Variants in NCOA7 observed in about 807,000 individuals in gnomAD.
NCOA7 encodes the protein 140 kDa estrogen receptor-associated protein.
NCOA7 carries 45 observed loss-of-function variants against 104.3 expected under a neutral mutation model. The ratio of observed to expected loss-of-function variants is 0.43; its 90% CI spans 0.34 to 0.55. The LOEUF (loss-of-function observed/expected upper bound fraction) is 0.55. Ranked by LOEUF, NCOA7 falls within the 20% of genes least tolerant of loss-of-function variation. NCOA7 has a pLI of 0.02. For synonymous variants in NCOA7, 398 were observed against 402.3 expected (o/e 0.99, Z 0.13); for missense variants, 1,041 against 1,119.7 (o/e 0.93, Z 1.00).
chr6:125,876,302 A>G (rs750357520), intron 4 of NCOA7, among the ~76,000 whole-genome samples: 2 of 152,350 alleles, frequency 1.3e-5, no homozygotes, highest in Admixed American at 6.5e-5. Context: ...ACATCTTTCT[A>G]AAGTGTATAA....
Position 125,815,383 on chromosome 6 carries a change from G to A in NCOA7, c.29G>A (p.Arg10Gln), listed in dbSNP as rs371057703. The change falls in exon 2 of 16, where the codon CGG becomes CAG. Residue 10 changes from arginine (R) to glutamine (Q), a missense_variant. Arg to Gln is a conservative substitution (Grantham distance 43). Transcript: ENST00000392477. ...GATACCAAGGAAGAGAAGAAGGAAC[G>A]GAAACAAAGTTATTTTGCTCGGTAA... MDTKEEKKE[R>Q]KQSYFARLKK... 5.7e-5 allele frequency: 92 copies of A among 1,607,510 alleles called. No individual in the cohort carries two copies. The highest frequency in any genetic ancestry group is 4.9e-4 in the Middle Eastern group (3 of 6,070).
chr6:125,848,273 C>T (rs1780798901), intron 2 of NCOA7, among the ~76,000 whole-genome samples: 1 of 152,074 alleles, frequency 6.6e-6, no homozygotes, highest in Non-Finnish European at 1.5e-5. Flanking sequence ...CTAGAAATAC[C>T]ATTTGACCCA....
intron 2 of NCOA7, among the ~76,000 whole-genome samples, chr6:125,815,677 ATCCCATG>A (rs954008697): frequency 1.3e-5 from 2 of 152,210 alleles, no homozygotes; most frequent in Non-Finnish European, 2.9e-5. Flanking sequence ...ATTGCTCCAA[ATCCCATG>A]TTTAGCAACC....
At chr6:125,781,741 A>G (rs1774235044) in intron 1 of NCOA7, among the ~76,000 whole-genome samples, 2 of 152,238 alleles carry the variant, frequency 1.3e-5, no homozygotes, top group Admixed American at 1.3e-4. Flanking sequence ...ACAAAAGGGT[A>G]TGGTGAAAAC....
At chr6:125,917,294 A>T (rs747106339) in intron 11 of NCOA7, among the ~76,000 whole-genome samples, 1 of 152,112 alleles carries the variant, frequency 6.6e-6, no homozygotes, top group Non-Finnish European at 1.5e-5. Flanking sequence ...TCGTGGCATC[A>T]GGGCTCTTCT....
At chr6:125,838,674 T>A (rs1020473005) in intron 2 of NCOA7, among the ~76,000 whole-genome samples, 1 of 152,106 alleles carries the variant, frequency 6.6e-6, no homozygotes, top group Non-Finnish European at 1.5e-5. Flanking sequence ...CTTCTCAGAG[T>A]TAGCCTCAGA....
At chr6:125,883,009 T>A (rs1170157594) in intron 7 of NCOA7, among the ~76,000 whole-genome samples, 2 of 152,196 alleles carry the variant, frequency 1.3e-5, no homozygotes, top group Non-Finnish European at 2.9e-5. Flanking sequence ...AAGTGATAAT[T>A]TATGTAAAGA....
At chr6:125,813,803 G>A (rs1324094379) in intron 1 of NCOA7, among the ~76,000 whole-genome samples, 1 of 151,874 alleles carries the variant, frequency 6.6e-6, no homozygotes, top group African/African-American at 2.4e-5. Flanking sequence ...ACCTGGGGTG[G>A]GCCTTGCATA....
intron 11 of NCOA7, 145 bp downstream of exon 11, chr6:125,915,625 G>C: frequency 1.0e-6 from 1 of 991,314 alleles, no homozygotes; most frequent in Non-Finnish European, 1.4e-6. Flanking sequence ...TTATTCCTCC[G>C]TTTGAAAAAA....
chr6:125,903,519 T>G (rs1390509042), intron 10 of NCOA7, among the ~76,000 whole-genome samples: 2 of 152,186 alleles, frequency 1.3e-5, no homozygotes, highest in African/African-American at 4.8e-5. Flanking sequence ...CTATGGCAGC[T>G]TCAGCTATTC....
chr6:125,922,643 G>A, intron 12 of NCOA7, 39 bp from the exon 13 acceptor site: 2 of 1,592,980 alleles, frequency 1.3e-6, no homozygotes, highest in African/African-American at 1.3e-5. Flanking sequence ...CAATTTGTGG[G>A]TGAACCTTCT....
chr6:125,928,437 T>C (rs1788231483), intron 15 of NCOA7, among the ~76,000 whole-genome samples, 190 bp downstream of exon 15: 1 of 152,186 alleles, frequency 6.6e-6, no homozygotes. Flanking sequence ...TTTATGTGTC[T>C]AATGAGAGAC....
At chr6:125,792,830 T>TAG (rs1157278916) in intron 1 of NCOA7, among the ~76,000 whole-genome samples, 1 of 152,194 alleles carries the variant, frequency 6.6e-6, no homozygotes, top group Non-Finnish European at 1.5e-5. Flanking sequence ...TTTGCTTTAT[T>TAG]TTTACACTAT....
Position 125,889,754 on chromosome 6 carries a change from C to A in NCOA7, c.1700C>A (p.Ala567Glu). The A allele has an allele frequency of 6.2e-7, 1 of 1,612,192 alleles. No individual in the cohort carries two copies. Among genetic ancestry groups the A allele is most frequent in the Non-Finnish European group, 8.5e-7 (1 of 1,179,232 alleles). The change falls in exon 9 of 16, where the codon GCG becomes GAG. Residue 567 changes from alanine (A) to glutamate (E), a missense_variant. Ala to Glu is a moderately radical substitution (Grantham distance 107, BLOSUM62 -1). Coordinates refer to ENST00000392477, the MANE Select transcript of NCOA7 (RefSeq NM_181782.5). ...ACCCTTAGTAGTTCTCTTTCCCAGG[C>A]GGGTGATCCCATAACTGAGGGCAAT... Reference protein sequence around the residue: ...DITLSSSLSQAGDPITEGNKE... With the variant: ...DITLSSSLSQEGDPITEGNKE...
At position 125,890,619 on chromosome 6, in the gene NCOA7, C is replaced by A. The variant is rs371682048; in HGVS notation, c.1928-23C>A. 13 of 1,588,126 alleles carry A rather than the reference C, an allele frequency of 8.2e-6. No homozygotes were observed. In the Middle Eastern group the frequency reaches 5.1e-4, roughly 62 times the overall value. The stretch of plus-strand genomic sequence containing the variant: ...TACCAATATTGTCAATATTGAGGAA[C>A]AGTTTTTTCGTGTGTGATTCAGATA... On this transcript the variant is annotated intron_variant, in intron 9 of 15. Coordinates refer to ENST00000392477, the MANE Select transcript of NCOA7 (RefSeq NM_181782.5).
intron 2 of NCOA7, among the ~76,000 whole-genome samples, chr6:125,830,779 G>T (rs1356596210): frequency 7.0e-6 from 1 of 143,462 alleles, no homozygotes; most frequent in African/African-American, 2.5e-5. Context: ...GTGTGTGTGT[G>T]TGTATAGATA....
At chr6:125,894,674 G>A (rs1784869618) in intron 10 of NCOA7, among the ~76,000 whole-genome samples, 1 of 152,126 alleles carries the variant, frequency 6.6e-6, no homozygotes. Context: ...TGGTTTGGCA[G>A]TGAAGGAGCT....
intron 3 of NCOA7, among the ~76,000 whole-genome samples, chr6:125,872,402 T>C (rs944632445): frequency 6.6e-6 from 1 of 152,178 alleles, no homozygotes; most frequent in African/African-American, 2.4e-5. Flanking sequence ...GAAGGAAGCA[T>C]ATTGTGGGCT....
intron 2 of NCOA7, among the ~76,000 whole-genome samples, chr6:125,839,077 G>T (rs1036771674): frequency 6.6e-6 from 1 of 152,026 alleles, no homozygotes; most frequent in African/African-American, 2.4e-5. Context: ...CATTACCTAT[G>T]CATGATTGAT....
Sources: allele counts gnomAD v4.1 joint callset (sites outside exome capture counted in the v4.1 genomes callset), GRCh38; gene constraint gnomAD v4.1.1; transcripts MANE v1.5; gene names NCBI Gene and HGNC (gene_info 2026-07-23, HGNC 2026-07-21).